The following OTOA variants were observed in gnomAD, a reference collection of about 807,000 sequenced individuals.
OTOA encodes the protein cancer/testis antigen 108.
In OTOA, 70 loss-of-function variants were observed where a neutral mutation model predicts 110.8. The ratio of observed to expected loss-of-function variants is 0.63; its 90% CI spans 0.52 to 0.77. The LOEUF (loss-of-function observed/expected upper bound fraction) is 0.77. OTOA is among the 30% of genes least tolerant of loss of function. The pLI, the probability that OTOA is intolerant of heterozygous loss-of-function variation, is 0.00. For synonymous variants in OTOA, 373 were observed against 431.5 expected (o/e 0.86, Z 1.68); for missense variants, 917 against 1,075.8 (o/e 0.85, Z 2.06).
At chr16:21,680,890 G>A (rs1189348352) in intron 5 of OTOA, among the ~76,000 whole-genome samples, 2 of 151,960 alleles carry the variant, frequency 1.3e-5, no homozygotes, top group African/African-American at 2.4e-5. Flanking sequence ...GCTATTCATG[G>A]GCATTTACTG....
Position 21,687,427 on chromosome 16 carries a change from C to G in OTOA, c.414C>G (p.Ile138Met). 1 of 1,614,028 alleles carries G rather than the reference C, an allele frequency of 6.2e-7. No homozygotes were observed. Among genetic ancestry groups the G allele is most frequent in the Non-Finnish European group, 8.5e-7 (1 of 1,179,974 alleles). ...CATTGCTTTAGGACCTGAAAGACAT[C>G]ATCATCGACTTAGGAGAGATTCGAG... ...DKKDGLDLKD[I>M]IIDLGEIRER... Residue 138 changes from isoleucine to methionine, a missense_variant, in exon 8 of 29, where the codon ATC (isoleucine) becomes ATG (methionine). Ile to Met is a conservative substitution (Grantham distance 10). Transcript: ENST00000646100.
intron 28 of OTOA, among the ~76,000 whole-genome samples, chr16:21,759,033 C>T (rs954857249): frequency 5.5e-4 from 83 of 152,038 alleles, no homozygotes; most frequent in African/African-American, 2.0e-3. Flanking sequence ...AAAAACTTTC[C>T]ATTGAAATAT....
intron 21 of OTOA, among the ~76,000 whole-genome samples, chr16:21,733,882 C>T (rs1180513481): frequency 6.6e-6 from 1 of 152,206 alleles, no homozygotes; most frequent in East Asian, 1.9e-4. Context: ...TCACTGCAAC[C>T]TCCACCTCCT....
At chr16:21,715,487 G>A (rs898578556) in intron 14 of OTOA, among the ~76,000 whole-genome samples, 1 of 149,454 alleles carries the variant, frequency 6.7e-6, no homozygotes, top group Non-Finnish European at 1.5e-5. Flanking sequence ...CCAGGCTGGA[G>A]TACAGTGGTA....
intron 6 of OTOA, chr16:21,684,693 GGAAA>G: frequency 2.2e-6 from 1 of 451,940 alleles, no homozygotes; most frequent in East Asian, 3.6e-5. Flanking sequence ...AAGAGAAGTT[GGAAA>G]TCTTGATCTT....
intron 13 of OTOA, among the ~76,000 whole-genome samples, chr16:21,713,120 C>T (rs1403518834): frequency 3.3e-5 from 5 of 152,090 alleles, no homozygotes; most frequent in African/African-American, 1.2e-4. Flanking sequence ...CATGCCACTA[C>T]GCCGGGCTGA....
rs528307113 is a variant in OTOA, at chr16:21,679,251, T to A, written c.179+40T>A. ...AGGAGAGGGGAAGGGATGGTATAGA[T>A]TTTTAATAAAAATTCTTAATGGAAG... On this transcript the variant is annotated intron_variant, in intron 5 of 28. Coordinates refer to ENST00000646100, the MANE Select transcript of OTOA (RefSeq NM_144672.4). The A allele has an allele frequency of 3.1e-6, 5 of 1,597,306 alleles. No individual in the cohort carries two copies. The East Asian group carries it at 1.1e-4, about 36-fold the overall frequency.
In OTOA at chr16:21,726,528, G is replaced by A. The variant is rs755933684; in HGVS notation, c.1886G>A (p.Arg629His). 2.0e-5 allele frequency: 32 copies of A among 1,613,478 alleles called. No individual in the cohort carries two copies. The highest frequency in any genetic ancestry group is 1.3e-4 in the South Asian group (12 of 91,054). Reference protein sequence around the residue: ...PPFLLAALPARYLASVPASQC... With the variant: ...PPFLLAALPAHYLASVPASQC... ...TTCTCCCCATCTCTCTCCAGGGCCC[G>A]CTACCTGGCTTCTGTCCCAGCCTCC... Residue 629 changes from arginine (R) to histidine (H), a missense_variant, in exon 19 of 29, where the codon CGC becomes CAC. Arg to His is a conservative substitution (Grantham distance 29). Around this residue, in one of 6 missense-constraint regions of OTOA, gnomAD observed 840 missense variants for 910.2 expected, o/e 0.92. Transcript: ENST00000646100.
chr16:21,729,934 A>G (rs1597850997), intron 20 of OTOA: 1 of 152,364 alleles, frequency 6.6e-6, no homozygotes, highest in East Asian at 1.9e-4. Context: ...AGTTTTGGCA[A>G]TTATGGATAA....
rs1192611892 is a variant in OTOA, at chr16:21,717,014, A to G, written c.1596A>G (p.Thr532=). The G allele has an allele frequency of 6.2e-7, 1 of 1,614,162 alleles. No homozygotes were observed. Among genetic ancestry groups the G allele is most frequent in the Admixed American group, 1.7e-5 (1 of 60,004 alleles). Residue 532 remains threonine, a synonymous_variant, in exon 15 of 29, where the codon ACA becomes ACG. Coordinates refer to ENST00000646100, the MANE Select transcript of OTOA (RefSeq NM_144672.4). ...GGAGGCAACCTGGATTCAACTCTAC[A>G]GTCCTGAAGGATAAGGAACTTGGAA... ...DLRRQPGFNS[T]VLKDKELGRS...
At chr16:21,736,186 G>A (rs1899288076) in intron 21 of OTOA, 75 bp from the exon 22 acceptor site, 15 of 1,401,766 alleles carry the variant, frequency 1.1e-5, no homozygotes, top group Non-Finnish European at 1.5e-5. Flanking sequence ...TAGTGTGACA[G>A]TTTCAACTCT....
intron 20 of OTOA, chr16:21,729,451 A>C (rs1899037571): frequency 1.3e-5 from 2 of 152,136 alleles, no homozygotes; most frequent in South Asian, 4.1e-4. Context: ...AATATCCCCC[A>C]CCAAAGTTGT....
chr16:21,674,454 C>T (rs1324601955), intron 1 of OTOA, among the ~76,000 whole-genome samples: 2 of 152,206 alleles, frequency 1.3e-5, no homozygotes, highest in African/African-American at 2.4e-5. Flanking sequence ...CTGCCTCAGC[C>T]TCCTGAGTAG....
intron 20 of OTOA, 68 bp downstream of exon 20, chr16:21,728,499 T>C (rs1341481915): frequency 1.3e-6 from 2 of 1,534,336 alleles, no homozygotes; most frequent in Non-Finnish European, 1.8e-6. Context: ...CAACCTTGGC[T>C]CTCCTGCCCT....
At chr16:21,668,269 A>C (rs1294829991) in intron 1 of OTOA, among the ~76,000 whole-genome samples, 3 of 151,902 alleles carry the variant, frequency 2.0e-5, no homozygotes, top group Non-Finnish European at 4.4e-5. Context: ...TCACCACGCC[A>C]GGCTAAATTT....
chr16:21,728,663 A>C (rs1405381975), intron 20 of OTOA, among the ~76,000 whole-genome samples: 1 of 150,628 alleles, frequency 6.6e-6, no homozygotes, highest in African/African-American at 2.5e-5. Flanking sequence ...ACCTTGGCTC[A>C]CTGCAACTTC....
At chr16:21,700,790 G>T in intron 10 of OTOA, 98 bp from the exon 11 acceptor site, 1 of 1,384,602 alleles carries the variant, frequency 7.2e-7, no homozygotes, top group Non-Finnish European at 1.0e-6. Context: ...GTGTATCCAA[G>T]TGTCCATGAT....
chr16:21,672,342 G>A (rs1410760810), intron 1 of OTOA, among the ~76,000 whole-genome samples: 2 of 151,852 alleles, frequency 1.3e-5, no homozygotes, highest in Non-Finnish European at 2.9e-5. Context: ...TGACATATAC[G>A]CCGGGCACGG....
chr16:21,677,100 C>T (rs771289583), intron 1 of OTOA, among the ~76,000 whole-genome samples: 4 of 152,070 alleles, frequency 2.6e-5, no homozygotes, highest in African/African-American at 4.8e-5. Flanking sequence ...CATGTTTAAC[C>T]TTTCACCTGT....
Sources: allele counts gnomAD v4.1 joint callset (sites outside exome capture counted in the v4.1 genomes callset), GRCh38; gene constraint gnomAD v4.1.1; regional missense constraint gnomAD v4.1.1; transcripts MANE v1.5; gene names NCBI Gene and HGNC (gene_info 2026-07-23, HGNC 2026-07-21).